CCDC40: variants seen among roughly 807,000 people sequenced by gnomAD.
The protein encoded by CCDC40 is coiled-coil domain-containing protein 40.
Under a neutral mutation model 124.5 loss-of-function variants are expected in CCDC40, and 104 were observed. That is an observed-to-expected ratio of 0.84 (90% CI 0.71 to 0.98). The LOEUF is 0.98. CCDC40 is among the 50% of genes least tolerant of loss of function. CCDC40 has a pLI of 0.00. For missense variants in CCDC40, 1,463 were observed against 1,503.9 expected, an observed-to-expected ratio of 0.97 and a Z score of 0.45; for synonymous variants, 580 against 602.9, an observed-to-expected ratio of 0.96 and a Z score of 0.56.
chr17:80,084,255 C>A (rs552880852), intron 12 of CCDC40, among the ~76,000 whole-genome samples: 9 of 152,160 alleles, frequency 5.9e-5, no homozygotes, highest in African/African-American at 1.4e-4. Flanking sequence ...AGGAAACTTA[C>A]AATCATGGCA....
At chr17:80,061,345 C>CA (rs1033191854) in intron 9 of CCDC40, among the ~76,000 whole-genome samples, 3 of 152,132 alleles carry the variant, frequency 2.0e-5, no homozygotes, top group Non-Finnish European at 4.4e-5. Flanking sequence ...GAATCCATCT[C>CA]AAAAAACAAA....
At chr17:80,064,206 T>C (rs1206452400) in intron 9 of CCDC40, among the ~76,000 whole-genome samples, 1 of 152,212 alleles carries the variant, frequency 6.6e-6, no homozygotes, top group East Asian at 1.9e-4. Flanking sequence ...TCCAGGGCGA[T>C]GGCCTCTCTC....
chr17:80,065,004 T>G (rs1371250306), intron 9 of CCDC40, among the ~76,000 whole-genome samples: 1 of 146,132 alleles, frequency 6.8e-6, no homozygotes, highest in Non-Finnish European at 1.5e-5. Flanking sequence ...CAGGATCCCC[T>G]CCTCCTCTCC....
chr17:80,067,987 T>C lies in CCDC40; in HGVS notation c.1562+2381T>C, dbSNP rs28736720. ...AGAGCCTCTGACTTCACCTGCAGCT[T>C]GCCACACCAAGGCCCCGGGGAGGAG... On this transcript the variant is annotated intron_variant, in intron 10 of 19. Coordinates refer to ENST00000397545, the MANE Select transcript of CCDC40 (RefSeq NM_017950.4). 0.025 allele frequency: 26,852 copies of C among 1,082,202 alleles called. 4,338 individuals carry two copies. The African/African-American group carries it at 0.37, about 15-fold the overall frequency. 67.0% of individuals were successfully genotyped at this position (1,082,202 alleles called of 1,614,324 possible). A position where few individuals can be genotyped will look rare whatever the true frequency, so the allele number is the denominator to read the frequency against.
rs1568676047 is a variant in CCDC40, at chr17:80,048,875, TCGCCTGTTCACTGCA to T, written c.855+116_855+130del. 17 of 958,506 alleles carry T rather than the reference TCGCCTGTTCACTGCA, an allele frequency of 1.8e-5. No homozygotes were observed. In the Admixed American group the frequency reaches 3.2e-4, roughly 18 times the overall value. The allele number at this position is 958,506 out of a possible 1,614,324, so 59.4% of individuals were successfully genotyped here. ...TGACCCTAAATGCTGTACTTGTATC[TCGCCTGTTCACTGCA>T]CCGTTTATTGGCACTGATTGACCTG... On this transcript the variant is annotated intron_variant, in intron 5 of 19. Coordinates refer to ENST00000397545, the MANE Select transcript of CCDC40 (RefSeq NM_017950.4).
chr17:80,073,045 C>G (rs1415612225), intron 10 of CCDC40, among the ~76,000 whole-genome samples: 2 of 152,176 alleles, frequency 1.3e-5, no homozygotes, highest in African/African-American at 4.8e-5. Flanking sequence ...CTCTGTCACC[C>G]AGGCTGGAGT....
intron 3 of CCDC40, chr17:80,040,599 A>C: frequency 2.9e-6 from 1 of 350,280 alleles, no homozygotes; most frequent in Non-Finnish European, 5.4e-6. Context: ...GAATTGCTTG[A>C]ACCCGAGAGG....
Position 80,087,322 on chromosome 17 carries a change from C to A in CCDC40, c.2450-285C>A. The A allele has an allele frequency of 2.0e-6, 1 of 496,930 alleles. No individual in the cohort carries two copies. The highest frequency in any genetic ancestry group is 2.1e-5 in the South Asian group (1 of 48,054). 30.8% of individuals were successfully genotyped at this position (496,930 alleles called of 1,614,324 possible). ...GGAGGGAGCCTGGCCCTCCCACACG[C>A]CCTGCCCACACCTGCTGGCTGTCCC... is the stretch of plus-strand genomic sequence containing the variant. On this transcript the variant is annotated intron_variant, in intron 14 of 19. Transcript: ENST00000397545. This position sits in a 1 kb window ranked among gnomAD's most constrained non-coding sequence, Gnocchi z 4.5.
Position 80,095,392 on chromosome 17 carries a change from C to G in CCDC40, c.2962C>G (p.Arg988Gly). Residue 988 changes from arginine to glycine, a missense_variant, in exon 18 of 20, where the codon CGC becomes GGC. Physicochemically the swap from Arg to Gly is moderately radical, Grantham distance 125. Coordinates refer to ENST00000397545, the MANE Select transcript of CCDC40 (RefSeq NM_017950.4). ...QRKMDRKALTRTDFHHKQLEL... is the reference protein window; with the variant it reads ...QRKMDRKALTGTDFHHKQLEL... ...CAAGATGGACAGGAAGGCGCTCACC[C>G]GCACCGACTTCCACCACAAGCAGCT... is the stretch of plus-strand genomic sequence containing the variant. The G allele has an allele frequency of 6.2e-6, 10 of 1,614,142 alleles. No homozygotes were observed. Among genetic ancestry groups the G allele is most frequent in the Non-Finnish European group, 8.5e-6 (10 of 1,180,044 alleles).
Position 80,058,156 on chromosome 17 carries a change from C to T in CCDC40, c.1160-338C>T, listed in dbSNP as rs2037799530. On this transcript the variant is annotated intron_variant, in intron 7 of 19. Coordinates refer to ENST00000397545, the MANE Select transcript of CCDC40 (RefSeq NM_017950.4). This position sits in a 1 kb window ranked among gnomAD's most constrained non-coding sequence, Gnocchi z 4.2. ...TGCCAGCCTTTCAGTGGTAAGACATCTATGCAATCAACCCGAAGCCTTACC... is the reference window on the plus strand; with the variant it reads ...TGCCAGCCTTTCAGTGGTAAGACATTTATGCAATCAACCCGAAGCCTTACC... Among the ~76,000 whole-genome samples, 1 of 152,158 alleles carries T rather than the reference C, an allele frequency of 6.6e-6. No homozygotes were observed. The highest frequency in any genetic ancestry group is 1.5e-5 in the Non-Finnish European group (1 of 68,024).
At chr17:80,095,765 G>A (rs1330675227) in intron 18 of CCDC40, among the ~76,000 whole-genome samples, 2 of 152,238 alleles carry the variant, frequency 1.3e-5, no homozygotes, top group South Asian at 4.1e-4. Context: ...TGCCCGCACC[G>A]GACAGAGCTG....
chr17:80,097,429 G>C, intron 19 of CCDC40, 26 bp downstream of exon 19: 1 of 1,613,246 alleles, frequency 6.2e-7, no homozygotes, highest in Non-Finnish European at 8.5e-7. Context: ...GAGGTCCCTG[G>C]GGATGACGGC....
At position 80,100,375 on chromosome 17, in the gene CCDC40, A is replaced by G. The variant is rs1285885180; in HGVS notation, c.*600A>G. The stretch of plus-strand genomic sequence containing the variant: ...GGAGAAAGTCAGTGGCCCCAGACAC[A>G]CGTAACAGGGTGAGCACTGAAATAA... On this transcript the variant is annotated 3_prime_UTR_variant, in exon 20 of 20. Coordinates refer to ENST00000397545, the MANE Select transcript of CCDC40 (RefSeq NM_017950.4). 1 of 164,744 alleles carries G rather than the reference A, an allele frequency of 6.1e-6. No homozygotes were observed. The highest frequency in any genetic ancestry group is 1.3e-5 in the Non-Finnish European group (1 of 74,804). The allele number at this position is 164,744 out of a possible 1,614,324, so 10.2% of individuals were successfully genotyped here.
chr17:80,080,321 T>C (rs186711750), intron 10 of CCDC40, among the ~76,000 whole-genome samples: 9 of 152,332 alleles, frequency 5.9e-5, no homozygotes, highest in Admixed American at 3.9e-4. Flanking sequence ...AAGAATGACT[T>C]GAACCCAGGA....
chr17:80,055,090 A>G (rs1238991928), intron 7 of CCDC40, among the ~76,000 whole-genome samples: 2 of 152,210 alleles, frequency 1.3e-5, no homozygotes, highest in Admixed American at 1.3e-4. Flanking sequence ...CCAAAGTAGG[A>G]TAGAAGGAGA....
chr17:80,094,458 C>T (rs1324853509), intron 17 of CCDC40, among the ~76,000 whole-genome samples: 1 of 151,744 alleles, frequency 6.6e-6, no homozygotes, highest in East Asian at 1.9e-4. Context: ...CTTATGCCTG[C>T]AATCCCAGCT....
At chr17:80,062,172 GTCA>G (rs1014886535) in intron 9 of CCDC40, among the ~76,000 whole-genome samples, 8 of 152,070 alleles carry the variant, frequency 5.3e-5, no homozygotes, top group African/African-American at 1.9e-4. Flanking sequence ...ACCGTGTTGT[GTCA>G]TCAGAAAGAA....
At chr17:80,043,707 G>T (rs1348552738) in intron 3 of CCDC40, among the ~76,000 whole-genome samples, 1 of 150,320 alleles carries the variant, frequency 6.7e-6, no homozygotes, top group Non-Finnish European at 1.5e-5. Context: ...TTGTACAAGG[G>T]GGCGTCTTAC....
Position 80,089,763 on chromosome 17 carries a change from G to T in CCDC40, c.2712-1G>T, listed in dbSNP as rs370706991. 216 of 1,614,070 alleles carry T rather than the reference G, an allele frequency of 1.3e-4. No individual in the cohort carries two copies. Among genetic ancestry groups the T allele is most frequent in the Non-Finnish European group, 1.8e-4 (207 of 1,180,026 alleles). ...TTACACTGCCTCTCCTACCTCTAAA[G>T]ACACCAGATTATGCTTTGGGAGAAA... On this transcript the variant is annotated splice_acceptor_variant, in intron 16 of 19. Transcript: ENST00000397545. LOFTEE classifies it high-confidence loss of function.
Sources: gnomAD v4.1 joint callset for allele counts (sites outside exome capture counted in the v4.1 genomes callset) on GRCh38, gnomAD v4.1.1 for gene constraint, Gnocchi (gnomAD v3.1) non-coding constraint, MANE v1.5 for transcripts, NCBI Gene and HGNC (gene_info 2026-07-23, HGNC 2026-07-21) for gene names.